Variants in DACH2 observed in about 807,000 individuals in gnomAD.
DACH2 encodes the protein dachshund homolog 2.
Under a neutral mutation model 35.8 loss-of-function variants are expected in DACH2, and 17 were observed. That is an observed-to-expected ratio of 0.48 (90% CI 0.33 to 0.71). The LOEUF is 0.71. DACH2 is among the 30% of genes least tolerant of loss of function. The pLI is 0.02. For synonymous variants in DACH2, 195 were observed against 177.3 expected, an observed-to-expected ratio of 1.10 and a Z score of -0.79; for missense variants, 469 against 472.7, an observed-to-expected ratio of 0.99 and a Z score of 0.07.
intron 1 of DACH2, among the ~76,000 whole-genome samples, chrX:86,225,662 A>G (rs1210975705): frequency 9.0e-6 from 1 of 111,053 alleles, no homozygotes; most frequent in East Asian, 2.8e-4. Flanking sequence ...GTTGGGACCC[A>G]TCTTGATAAC....
At chrX:86,421,319 A>G (rs1243903631) in intron 2 of DACH2, among the ~76,000 whole-genome samples, 1 of 111,431 alleles carries the variant, frequency 9.0e-6, no homozygotes, top group Non-Finnish European at 1.9e-5. Flanking sequence ...ATGTTATCTC[A>G]TTTGATTTTT....
At chrX:86,821,213 G>A (rs1198658238) in intron 11 of DACH2, among the ~76,000 whole-genome samples, 3 of 110,994 alleles carry the variant, frequency 2.7e-5, no homozygotes, top group African/African-American at 9.8e-5. Context: ...GCCCGGTACT[G>A]TGTTGGAAGA....
chrX:86,832,344 C>T lies in DACH2; in HGVS notation c.*189C>T. The T allele has an allele frequency of 2.4e-6, 1 of 416,670 alleles. No individual in the cohort carries two copies. The highest frequency in any genetic ancestry group is 4.1e-6 in the Non-Finnish European group (1 of 244,335). The allele number at this position is 416,670 out of a possible 1,213,427, so 34.3% of individuals were successfully genotyped here. On this transcript the variant is annotated 3_prime_UTR_variant, in exon 12 of 12. Coordinates refer to ENST00000373125, the MANE Select transcript of DACH2 (RefSeq NM_053281.3). Reference sequence around the variant, plus strand: ...TAAAAGCAATGATGTAAACTTTGTTCTTGCATTAGACTGACCAGTTTAAAA... The same window carrying T: ...TAAAAGCAATGATGTAAACTTTGTTTTTGCATTAGACTGACCAGTTTAAAA...
chrX:86,664,881 G>A (rs2040648441), intron 4 of DACH2, among the ~76,000 whole-genome samples: 1 of 111,673 alleles, frequency 9.0e-6, no homozygotes, highest in Non-Finnish European at 1.9e-5. Flanking sequence ...ATTTTCAAGT[G>A]CTTCGAAAGG....
At chrX:86,647,386 T>G (rs1326661733) in intron 3 of DACH2, among the ~76,000 whole-genome samples, 2 of 110,852 alleles carry the variant, frequency 1.8e-5, no homozygotes, top group Non-Finnish European at 3.8e-5. Flanking sequence ...ACAACATGAA[T>G]AAACCTGAAG....
chrX:86,679,191 A>G (rs1378891377), intron 4 of DACH2, among the ~76,000 whole-genome samples: 1 of 112,186 alleles, frequency 8.9e-6, no homozygotes, highest in Non-Finnish European at 1.9e-5. Flanking sequence ...GAATTGAGTC[A>G]TTAATCAACT....
intron 1 of DACH2, among the ~76,000 whole-genome samples, chrX:86,361,458 G>C (rs1177664900): frequency 9.0e-6 from 1 of 110,998 alleles, no homozygotes; most frequent in African/African-American, 3.3e-5. Context: ...TACCTTTCGA[G>C]CAATCCAGTG....
intron 7 of DACH2, among the ~76,000 whole-genome samples, chrX:86,775,972 A>C (rs1394309801): frequency 9.0e-6 from 1 of 111,601 alleles, no homozygotes; most frequent in Admixed American, 9.6e-5. Flanking sequence ...AATTTGCCCA[A>C]GGTCACTCAG....
At chrX:86,208,065 T>C (rs1191024128) in intron 1 of DACH2, among the ~76,000 whole-genome samples, 3 of 111,117 alleles carry the variant, frequency 2.7e-5, no homozygotes, top group Non-Finnish European at 5.7e-5. Context: ...CATTTCAGTC[T>C]GCCCTCTATA....
intron 2 of DACH2, among the ~76,000 whole-genome samples, chrX:86,386,225 T>C (rs1569372302): frequency 9.0e-6 from 1 of 111,605 alleles, no homozygotes; most frequent in East Asian, 2.8e-4. Context: ...ATTTGTAGGA[T>C]GTCCCTCAAC....
chrX:86,460,382 A>G (rs1331565281), intron 2 of DACH2, among the ~76,000 whole-genome samples: 2 of 110,962 alleles, frequency 1.8e-5, no homozygotes, highest in East Asian at 2.8e-4. Context: ...AGTGTTTCAT[A>G]TACTCTTATT....
chrX:86,177,886 C>T (rs1273913084), intron 1 of DACH2, among the ~76,000 whole-genome samples: 3 of 110,950 alleles, frequency 2.7e-5, no homozygotes, highest in Non-Finnish European at 3.8e-5. Flanking sequence ...GCACTAAACA[C>T]GGGGTTATCT....
chrX:86,624,060 C>CA (rs34140706), intron 3 of DACH2, among the ~76,000 whole-genome samples: 6,875 of 35,848 alleles, frequency 0.19, 394 homozygotes, highest in East Asian at 0.53. Context: ...AAAAACAAAA[C>CA]AAAAAAAAAA....
chrX:86,615,371 C>G (rs2039990924), intron 3 of DACH2, among the ~76,000 whole-genome samples: 1 of 111,448 alleles, frequency 9.0e-6, no homozygotes, highest in Non-Finnish European at 1.9e-5. Context: ...AAAGTTCTGA[C>G]AGATAAAGTG....
At chrX:86,616,359 T>C (rs6617248) in intron 3 of DACH2, among the ~76,000 whole-genome samples, 50,822 of 110,601 alleles carry the variant, frequency 0.46, 9,623 homozygotes, top group East Asian at 0.77. Context: ...TTGTTTTCCG[T>C]AATGATTTAA....
intron 5 of DACH2, among the ~76,000 whole-genome samples, chrX:86,708,616 T>C (rs1005026818): frequency 1.3e-5 from 1 of 76,762 alleles, no homozygotes; most frequent in African/African-American, 5.4e-5. Context: ...ATAATAGACA[T>C]TGGAGATTTG....
intron 5 of DACH2, among the ~76,000 whole-genome samples, chrX:86,711,427 G>A (rs985770358): frequency 1.8e-5 from 2 of 111,669 alleles, no homozygotes; most frequent in Non-Finnish European, 3.8e-5. Context: ...ATTAAAAAAA[G>A]AATTATTCTT....
intron 3 of DACH2, among the ~76,000 whole-genome samples, chrX:86,581,888 G>A (rs977360631): frequency 9.0e-6 from 1 of 111,245 alleles, no homozygotes; most frequent in Non-Finnish European, 1.9e-5. Context: ...TGACCAATAA[G>A]CCTACCCTAA....
intron 2 of DACH2, among the ~76,000 whole-genome samples, chrX:86,457,769 T>C (rs1341270766): frequency 8.9e-6 from 1 of 112,293 alleles, no homozygotes; most frequent in Non-Finnish European, 1.9e-5. Context: ...AATAAAGTGG[T>C]ACTTGAACTT....
Sources: allele counts gnomAD v4.1 joint callset (sites outside exome capture counted in the v4.1 genomes callset), GRCh38; gene constraint gnomAD v4.1.1; transcripts MANE v1.5; gene names NCBI Gene and HGNC (gene_info 2026-07-23, HGNC 2026-07-21).